EXT2: variants seen among roughly 807,000 people sequenced by gnomAD.
EXT2 encodes the protein exostosin glycosyltransferase 2, also known as exostosin-2.
EXT2 carries 53 observed loss-of-function variants against 81.6 expected under a neutral mutation model. That is an observed-to-expected ratio of 0.65 (90% CI 0.52 to 0.82). EXT2 has a LOEUF of 0.82. Among genes scored for constraint, EXT2 ranks in the 40% least tolerant of loss-of-function variants. The pLI, the probability that EXT2 is intolerant of heterozygous loss-of-function variation, is 0.00. For missense variants in EXT2, 774 were observed against 910.2 expected (o/e 0.85, Z 1.93); for synonymous variants, 320 against 340.0 (o/e 0.94, Z 0.65).
intron 1 of EXT2, 55 bp from the exon 2 acceptor site, chr11:44,107,628 T>G: frequency 6.6e-7 from 1 of 1,505,512 alleles, no homozygotes; most frequent in Non-Finnish European, 9.0e-7. Context: ...TCTTTTCAAG[T>G]GTCATTTGCC....
At chr11:44,242,444 G>A (rs1956048328) in intron 13 of EXT2, among the ~76,000 whole-genome samples, 1 of 152,172 alleles carries the variant, frequency 6.6e-6, no homozygotes, top group South Asian at 2.1e-4. Context: ...CTTCCAGCAG[G>A]AGGGACACTC....
Position 44,248,849 on chromosome 11 carries a change from G to C in EXT2, c.*4562G>C, listed in dbSNP as rs1381251510. 6.6e-6 allele frequency among the ~76,000 whole-genome samples: 1 copy of C among 152,156 alleles called. No homozygotes were observed. Among genetic ancestry groups the C allele is most frequent in the African/African-American group, 2.4e-5 (1 of 41,444 alleles). On this transcript the variant is annotated 3_prime_UTR_variant, in exon 14 of 14. Transcript: ENST00000533608. The stretch of plus-strand genomic sequence containing the variant: ...AACAGTGGGAAGATGACCAGAGAAA[G>C]TTTGGCCCCCTCTCCCAAGCTTCCA...
chr11:44,125,067 G>A, intron 5 of EXT2, 83 bp downstream of exon 5: 1 of 1,363,340 alleles, frequency 7.3e-7, no homozygotes, highest in Non-Finnish European at 1.0e-6. Flanking sequence ...AACCTGAGTT[G>A]TTTTCAGCAT....
At chr11:44,134,681 G>A (rs567515843) in intron 7 of EXT2, among the ~76,000 whole-genome samples, 6 of 152,324 alleles carry the variant, frequency 3.9e-5, no homozygotes, top group African/African-American at 9.6e-5. Flanking sequence ...AGACTGTATC[G>A]TTAGAAATGT....
At chr11:44,180,666 A>T (rs1955222465) in intron 8 of EXT2, among the ~76,000 whole-genome samples, 1 of 152,132 alleles carries the variant, frequency 6.6e-6, no homozygotes, top group South Asian at 2.1e-4. Context: ...GTTCACTGTG[A>T]CACTCTGAAT....
chr11:44,210,175 G>C (rs1207972157), intron 10 of EXT2, among the ~76,000 whole-genome samples: 2 of 152,130 alleles, frequency 1.3e-5, no homozygotes, highest in African/African-American at 4.8e-5. Context: ...ACAAAAGTCT[G>C]CACAAATATT....
At chr11:44,243,395 T>C (rs1956059270) in intron 13 of EXT2, among the ~76,000 whole-genome samples, 1 of 152,180 alleles carries the variant, frequency 6.6e-6, no homozygotes, top group Admixed American at 6.5e-5. Flanking sequence ...TCCCCTCCTC[T>C]GGCGGTGCTG....
At chr11:44,169,998 A>G (rs923076976) in intron 7 of EXT2, among the ~76,000 whole-genome samples, 1 of 152,164 alleles carries the variant, frequency 6.6e-6, no homozygotes, top group African/African-American at 2.4e-5. Context: ...GGCAGACAAA[A>G]ACCAATAAGG....
chr11:44,119,124 T>TCATATATATATATA (rs1555004227), intron 4 of EXT2, among the ~76,000 whole-genome samples: 3 of 25,642 alleles, frequency 1.2e-4, no homozygotes, highest in African/African-American at 2.3e-4. Context: ...ATTTGGCTAT[T>TCATATATATATATA]TATATATATA....
rs1956113978 is a variant in EXT2 at position 44,248,497 on chromosome 11, GAGTAGAATCA to G, written c.*4213_*4222del. 6.6e-6 allele frequency among the ~76,000 whole-genome samples: 1 copy of G among 152,176 alleles called. No homozygotes were observed. The highest frequency in any genetic ancestry group is 2.4e-5 in the African/African-American group (1 of 41,442). ...TGGTACTCACCCACTTTCTACTTCTGAGTAGAATCAAGGGCAGCATTTGGTCCCATTATAC... is the reference window on the plus strand; with the variant it reads ...TGGTACTCACCCACTTTCTACTTCTGAGGGCAGCATTTGGTCCCATTATAC... On this transcript the variant is annotated 3_prime_UTR_variant, in exon 14 of 14. Transcript: ENST00000533608.
chr11:44,144,196 A>G (rs1016270531), intron 7 of EXT2: 1 of 1,511,108 alleles, frequency 6.6e-7, no homozygotes. Context: ...GCTCTTATTT[A>G]TTTATTTTTG....
At chr11:44,176,045 G>A (rs570130087) in intron 8 of EXT2, among the ~76,000 whole-genome samples, 1 of 152,274 alleles carries the variant, frequency 6.6e-6, no homozygotes, top group South Asian at 2.1e-4. Flanking sequence ...AATTATAGGG[G>A]AGCCCTTGAG....
intron 4 of EXT2, among the ~76,000 whole-genome samples, chr11:44,118,927 A>G (rs1435372991): frequency 1.3e-5 from 2 of 151,574 alleles, no homozygotes; most frequent in Non-Finnish European, 2.9e-5. Flanking sequence ...GTGATTTAAA[A>G]AGTTTTTATT....
chr11:44,178,744 C>T (rs871504), intron 8 of EXT2, among the ~76,000 whole-genome samples: 4 of 151,902 alleles, frequency 2.6e-5, no homozygotes, highest in African/African-American at 9.7e-5. Flanking sequence ...ACCCTGCCCC[C>T]CAGGAGGCCT....
intron 7 of EXT2, among the ~76,000 whole-genome samples, chr11:44,154,824 A>G (rs902180065): frequency 4.6e-5 from 7 of 152,142 alleles, no homozygotes; most frequent in African/African-American, 1.2e-4. Flanking sequence ...CTTTTGGTTA[A>G]AAGCCATTTT....
intron 2 of EXT2, 118 bp from the exon 3 acceptor site, chr11:44,109,076 T>C (rs1333571179): frequency 1.0e-6 from 1 of 1,004,794 alleles, no homozygotes; most frequent in East Asian, 2.5e-5. Context: ...TTGCTTTGCA[T>C]ACCTGAGAAG....
chr11:44,219,779 T>G (rs1293610920), intron 10 of EXT2, among the ~76,000 whole-genome samples: 1 of 152,176 alleles, frequency 6.6e-6, no homozygotes, highest in African/African-American at 2.4e-5. Flanking sequence ...AGAAACTCGG[T>G]TCTTACTTAC....
At chr11:44,106,550 G>C (rs866178875) in intron 1 of EXT2, among the ~76,000 whole-genome samples, 3 of 152,110 alleles carry the variant, frequency 2.0e-5, no homozygotes, top group African/African-American at 7.2e-5. Context: ...CATTAGAGTA[G>C]GGTCTTTGCT....
intron 7 of EXT2, among the ~76,000 whole-genome samples, chr11:44,133,160 C>T (rs1274909766): frequency 6.6e-6 from 1 of 152,216 alleles, no homozygotes; most frequent in Non-Finnish European, 1.5e-5. Flanking sequence ...TAGTTAATGT[C>T]TCATCTCTCT....
Sources: gnomAD v4.1 joint callset for allele counts (sites outside exome capture counted in the v4.1 genomes callset) on GRCh38, gnomAD v4.1.1 for gene constraint, MANE v1.5 for transcripts, NCBI Gene and HGNC (gene_info 2026-07-23, HGNC 2026-07-21) for gene names.